NINL: variants seen among roughly 807,000 people sequenced by gnomAD.
NINL encodes the protein ninein like, also known as ninein-like protein.
NINL carries 153 observed loss-of-function variants against 160.3 expected under a neutral mutation model. The observed-to-expected ratio is 0.95, with a 90% CI of 0.84 to 1.09. The LOEUF is 1.09. Among genes scored for constraint, NINL ranks in the 50% least tolerant of loss-of-function variants. The pLI, the probability that NINL is intolerant of heterozygous loss-of-function variation, is 0.00. For missense variants in NINL, 1,829 were observed against 1,764.0 expected, an observed-to-expected ratio of 1.04 and a Z score of -0.66; for synonymous variants, 800 against 734.8, an observed-to-expected ratio of 1.09 and a Z score of -1.43.
intron 22 of NINL, among the ~76,000 whole-genome samples, chr20:25,457,864 C>T (rs1001184198): frequency 6.6e-6 from 1 of 152,224 alleles, no homozygotes; most frequent in Non-Finnish European, 1.5e-5. Context: ...TAGGTGGACA[C>T]TACTGCTAGC....
At chr20:25,456,887 G>A (rs1395232950) in intron 22 of NINL, among the ~76,000 whole-genome samples, 5 of 151,752 alleles carry the variant, frequency 3.3e-5, no homozygotes, top group African/African-American at 7.3e-5. Context: ...AGCCGAGATC[G>A]CACCATTGCA....
At chr20:25,547,508 A>T (rs2064750414) in intron 1 of NINL, among the ~76,000 whole-genome samples, 1 of 152,198 alleles carries the variant, frequency 6.6e-6, no homozygotes, top group Non-Finnish European at 1.5e-5. Flanking sequence ...GGGAAGCCAA[A>T]TGGAACTGAG....
intron 1 of NINL, among the ~76,000 whole-genome samples, chr20:25,561,535 T>C: frequency 1.4e-5 from 2 of 143,710 alleles, no homozygotes; most frequent in African/African-American, 2.6e-5. Context: ...GGCTGCCCAG[T>C]CTGGAAAGTG....
chr20:25,464,425 C>CAA (rs1185664947), intron 19 of NINL, among the ~76,000 whole-genome samples: 1 of 151,874 alleles, frequency 6.6e-6, no homozygotes, highest in Non-Finnish European at 1.5e-5. Context: ...TCAAAACAAA[C>CAA]AAACAAACAA....
At chr20:25,542,987 C>T (rs554331633) in intron 1 of NINL, among the ~76,000 whole-genome samples, 1 of 143,688 alleles carries the variant, frequency 7.0e-6, no homozygotes, top group East Asian at 2.0e-4. Flanking sequence ...CTGCAGTGAG[C>T]CAAGATCGCA....
At chr20:25,559,320 A>G (rs990119019) in intron 1 of NINL, among the ~76,000 whole-genome samples, 6 of 152,142 alleles carry the variant, frequency 3.9e-5, no homozygotes, top group African/African-American at 9.7e-5. Context: ...GGCTCACTGC[A>G]ACCTCCACCT....
chr20:25,493,262 G>A (rs1476313516), intron 10 of NINL, among the ~76,000 whole-genome samples: 11 of 152,142 alleles, frequency 7.2e-5, no homozygotes, highest in Admixed American at 7.2e-4. Flanking sequence ...TAGGGGCCCT[G>A]CTAACCCCAA....
chr20:25,508,795 T>C (rs2064010671), intron 5 of NINL, among the ~76,000 whole-genome samples: 1 of 152,200 alleles, frequency 6.6e-6, no homozygotes, highest in South Asian at 2.1e-4. Flanking sequence ...TCAAAGGCCA[T>C]GGCAGCATCC....
intron 17 of NINL, among the ~76,000 whole-genome samples, chr20:25,473,490 A>G (rs1158580169): frequency 8.0e-6 from 1 of 124,792 alleles, no homozygotes; most frequent in Non-Finnish European, 1.7e-5. Flanking sequence ...ATAAAATAAT[A>G]AAATAAATAA....
At chr20:25,459,956 C>G (rs576655116) in intron 21 of NINL, among the ~76,000 whole-genome samples, 251 of 152,222 alleles carry the variant, frequency 1.6e-3, no homozygotes, top group Middle Eastern at 3.4e-3. Context: ...TGAGGCAGAG[C>G]GGCAGATGGG....
In NINL at chr20:25,470,002, G is replaced by A. The variant is rs1568854829; in HGVS notation, c.3342C>T (p.His1114=). The change falls in exon 18 of 24, where the codon CAC becomes CAT. Residue 1114 remains histidine (H), a synonymous_variant. Coordinates refer to ENST00000278886, the MANE Select transcript of NINL (RefSeq NM_025176.6). ...GGCGTGGCCCTTACCTCTGTGCATC[G>A]TGAGTACTTTCTGCAGCTTCAAGCT... ...RQELEAAEST[H]DAQRKEIEVL... 1.1e-5 allele frequency: 18 copies of A among 1,613,764 alleles called. No individual in the cohort carries two copies. Among genetic ancestry groups the A allele is most frequent in the East Asian group, 2.2e-5 (1 of 44,886 alleles).
At chr20:25,469,202 A>C (rs1373057581) in intron 18 of NINL, among the ~76,000 whole-genome samples, 4 of 56,952 alleles carry the variant, frequency 7.0e-5, no homozygotes, top group Admixed American at 2.2e-4. Context: ...CTGTCCCCCG[A>C]CTCTCACTGG....
intron 1 of NINL, among the ~76,000 whole-genome samples, chr20:25,551,939 G>A (rs1045288101): frequency 6.6e-6 from 1 of 152,136 alleles, no homozygotes; most frequent in African/African-American, 2.4e-5. Flanking sequence ...AAAGGTTTAG[G>A]GGCTAGCAAG....
rs117522200 is a variant in NINL at position 25,504,944 on chromosome 20, C to T, written c.652G>A (p.Glu218Lys). 15 of 1,612,648 alleles carry T rather than the reference C, an allele frequency of 9.3e-6. No homozygotes were observed. The highest frequency in any genetic ancestry group is 1.3e-5 in the African/African-American group (1 of 74,870). The change falls in exon 6 of 24, where the codon GAG (glutamate) becomes AAG (lysine). Residue 218 changes from glutamate (E) to lysine (K), a missense_variant. Physicochemically the swap from Glu to Lys is moderately conservative, Grantham distance 56. Transcript: ENST00000278886. ...TGGCAGACCACAGCCAGCTCCTGCT[C>T]GCTCAGGTGTCCGCTGCTGCCCACC... ...LGVGSSGHLS[E>K]QELAVVCQSV...
chr20:25,489,460 C>G, intron 12 of NINL, 136 bp from the exon 13 acceptor site: 3 of 707,686 alleles, frequency 4.2e-6, no homozygotes, highest in Non-Finnish European at 7.5e-6. Context: ...TAGCCGCCAT[C>G]CCCCCTCCTT....
intron 1 of NINL, among the ~76,000 whole-genome samples, chr20:25,536,199 A>G (rs1760828071): frequency 6.6e-6 from 1 of 152,144 alleles, no homozygotes; most frequent in South Asian, 2.1e-4. Flanking sequence ...CTTCGGCAAA[A>G]TAAGGGGTGA....
chr20:25,531,454 G>A (rs1441505320), intron 1 of NINL, among the ~76,000 whole-genome samples: 1 of 152,212 alleles, frequency 6.6e-6, no homozygotes, highest in East Asian at 1.9e-4. Flanking sequence ...AAGTGTCCAT[G>A]AAATCTTCAC....
intron 1 of NINL, among the ~76,000 whole-genome samples, chr20:25,580,472 A>C (rs2065162122): frequency 6.6e-6 from 1 of 152,202 alleles, no homozygotes; most frequent in Non-Finnish European, 1.5e-5. Flanking sequence ...TCAGAAACTA[A>C]CAAATGACTT....
intron 1 of NINL, among the ~76,000 whole-genome samples, chr20:25,571,976 A>C (rs944563289): frequency 6.6e-6 from 1 of 152,032 alleles, no homozygotes; most frequent in African/African-American, 2.4e-5. Context: ...CACTGAAGCT[A>C]ACAGGCCATG....
Sources: allele counts gnomAD v4.1 joint callset (sites outside exome capture counted in the v4.1 genomes callset), GRCh38; gene constraint gnomAD v4.1.1; transcripts MANE v1.5; gene names NCBI Gene and HGNC (gene_info 2026-07-23, HGNC 2026-07-21).